MAGI1: variants seen among roughly 807,000 people sequenced by gnomAD.
The protein encoded by MAGI1 is membrane associated guanylate kinase, WW and PDZ domain containing 1, also known as membrane-associated guanylate kinase, WW and PDZ domain-containing protein 1.
MAGI1 carries 58 observed loss-of-function variants against 139.9 expected under a neutral mutation model. The ratio of observed to expected loss-of-function variants is 0.41; its 90% CI spans 0.34 to 0.52. The LOEUF (loss-of-function observed/expected upper bound fraction) is 0.52. Ranked by LOEUF, MAGI1 falls within the 20% of genes least tolerant of loss-of-function variation. MAGI1 has a pLI of 0.12. For missense variants in MAGI1, 1,874 were observed against 1,901.6 expected (o/e 0.99, Z 0.27); for synonymous variants, 812 against 737.9 (o/e 1.10, Z -1.63).
At chr3:65,361,076 G>A (rs1298093792) in intron 22 of MAGI1, 123 bp downstream of exon 22, 37 of 1,587,126 alleles carry the variant, frequency 2.3e-5, no homozygotes, top group Non-Finnish European at 3.1e-5. Context: ...ATCACATGGT[G>A]CGAGAGGCTG....
At chr3:65,918,266 A>T (rs2062002491) in intron 1 of MAGI1, among the ~76,000 whole-genome samples, 2 of 152,088 alleles carry the variant, frequency 1.3e-5, no homozygotes, top group African/African-American at 4.8e-5. Flanking sequence ...TTAAGAAGAA[A>T]CTTACATAAC....
chr3:65,682,673 T>A (rs1349258301), intron 1 of MAGI1, among the ~76,000 whole-genome samples: 1 of 152,106 alleles, frequency 6.6e-6, no homozygotes, highest in African/African-American at 2.4e-5. Context: ...ATCTTTAGGA[T>A]ATAGGGCCAG....
chr3:65,949,307 G>T (rs948430974), intron 1 of MAGI1, among the ~76,000 whole-genome samples: 16 of 152,308 alleles, frequency 1.1e-4, no homozygotes, highest in African/African-American at 2.9e-4. Context: ...GTTGGACGAG[G>T]TGTTAAAGGT....
At chr3:65,598,004 G>A (rs1483410807) in intron 2 of MAGI1, 1 of 436,448 alleles carries the variant, frequency 2.3e-6, no homozygotes. Flanking sequence ...GGTTTTTCGA[G>A]GGAAGAGGTG....
chr3:65,548,863 G>A (rs2079657038), intron 2 of MAGI1, among the ~76,000 whole-genome samples: 1 of 152,160 alleles, frequency 6.6e-6, no homozygotes, highest in Non-Finnish European at 1.5e-5. Flanking sequence ...GCTACTGGAG[G>A]GGTGGGGTGA....
At chr3:65,726,411 T>C (rs141006333) in intron 1 of MAGI1, among the ~76,000 whole-genome samples, 1 of 152,188 alleles carries the variant, frequency 6.6e-6, no homozygotes, top group Non-Finnish European at 1.5e-5. Context: ...ACTATTGCAA[T>C]GTACATTTTC....
chr3:65,514,802 T>C (rs1359736541), intron 2 of MAGI1, among the ~76,000 whole-genome samples: 5 of 147,918 alleles, frequency 3.4e-5, no homozygotes, highest in Admixed American at 6.8e-5. Flanking sequence ...AGCCATCCCA[T>C]TACTGGGTGT....
intron 13 of MAGI1, 106 bp from the exon 14 acceptor site, chr3:65,391,464 A>G (rs2106993576): frequency 1.2e-6 from 1 of 826,768 alleles, no homozygotes; most frequent in East Asian, 2.6e-5. Context: ...GCATACACAT[A>G]CATATCAACA....
At chr3:65,447,697 T>C (rs1258985826) in intron 7 of MAGI1, among the ~76,000 whole-genome samples, 2 of 152,150 alleles carry the variant, frequency 1.3e-5, no homozygotes, top group Non-Finnish European at 2.9e-5. Flanking sequence ...TATGCCAAAG[T>C]TCAAGGGACA....
rs1455783676 is a variant in MAGI1 at position 65,396,911 on chromosome 3, G to A, written c.2199+4528C>T. Among the ~76,000 whole-genome samples, 7 of 152,276 alleles carry A rather than the reference G, an allele frequency of 4.6e-5. No homozygotes were observed. In the East Asian group the frequency reaches 1.2e-3, roughly 25 times the overall value. ...TCTTCCAAAAAGGTGGGCGAGAGGA[G>A]TTAATGCAGAAGAAAAGGCAGGCAC... On this transcript the variant is annotated intron_variant, in intron 13 of 22. Coordinates refer to ENST00000402939, the MANE Select transcript of MAGI1 (RefSeq NM_001033057.2).
intron 2 of MAGI1, among the ~76,000 whole-genome samples, chr3:65,572,843 CT>C (rs2081018553): frequency 6.6e-6 from 1 of 151,452 alleles, no homozygotes; most frequent in Non-Finnish European, 1.5e-5. Flanking sequence ...ACTACACTAC[CT>C]TTTTTCCCCA....
chr3:65,669,785 T>C (rs1476831391), intron 1 of MAGI1, among the ~76,000 whole-genome samples: 1 of 152,204 alleles, frequency 6.6e-6, no homozygotes, highest in African/African-American at 2.4e-5. Context: ...AGTGGAAAGT[T>C]TGCTCAACTT....
At chr3:65,921,220 G>C (rs1040516683) in intron 1 of MAGI1, among the ~76,000 whole-genome samples, 5 of 151,968 alleles carry the variant, frequency 3.3e-5, no homozygotes, top group African/African-American at 1.2e-4. Flanking sequence ...CTACTACGTG[G>C]TATTTTGCTC....
intron 2 of MAGI1, among the ~76,000 whole-genome samples, chr3:65,598,705 ACT>A (rs2082344483): frequency 6.6e-6 from 1 of 152,134 alleles, no homozygotes; most frequent in African/African-American, 2.4e-5. Context: ...ATTAAAACTC[ACT>A]GTTTTTAAGG....
At chr3:65,409,050 G>C (rs955877921) in intron 12 of MAGI1, among the ~76,000 whole-genome samples, 1 of 152,236 alleles carries the variant, frequency 6.6e-6, no homozygotes, top group Non-Finnish European at 1.5e-5. Flanking sequence ...GGGTGATCAT[G>C]CAAGCCTTTC....
chr3:65,890,245 G>A (rs766076952), intron 1 of MAGI1, among the ~76,000 whole-genome samples: 12 of 152,142 alleles, frequency 7.9e-5, no homozygotes, highest in African/African-American at 2.9e-4. Context: ...GGCGCCTGCA[G>A]TCCCAGCTAC....
chr3:65,731,492 A>T (rs1390003394), intron 1 of MAGI1, among the ~76,000 whole-genome samples: 1 of 151,094 alleles, frequency 6.6e-6, no homozygotes, highest in East Asian at 1.9e-4. Flanking sequence ...ATCTCTTAAA[A>T]AAAAAAAAAA....
intron 17 of MAGI1, among the ~76,000 whole-genome samples, chr3:65,378,483 CCT>C (rs1396766117): frequency 5.3e-5 from 8 of 152,116 alleles, no homozygotes; most frequent in Admixed American, 2.0e-4. Context: ...ACTCCTTACA[CCT>C]CTGTTTTTCC....
chr3:65,732,707 T>C (rs942013710), intron 1 of MAGI1, among the ~76,000 whole-genome samples: 1 of 152,242 alleles, frequency 6.6e-6, no homozygotes, highest in African/African-American at 2.4e-5. Flanking sequence ...AAAATCCTGC[T>C]ACAGATTATA....
Sources: allele counts gnomAD v4.1 joint callset (sites outside exome capture counted in the v4.1 genomes callset), GRCh38; gene constraint gnomAD v4.1.1; transcripts MANE v1.5; gene names NCBI Gene and HGNC (gene_info 2026-07-23, HGNC 2026-07-21).